Variants in APP observed in about 807,000 individuals in gnomAD.
APP encodes the protein amyloid beta precursor protein.
Under a neutral mutation model 101.4 loss-of-function variants are expected in APP, and 31 were observed. That is an observed-to-expected ratio of 0.31 (90% CI 0.23 to 0.41). The LOEUF is 0.41. APP is among the 10% of genes least tolerant of loss of function. The pLI is 1.00. For synonymous variants in APP, 366 were observed against 364.4 expected, an observed-to-expected ratio of 1.00 and a Z score of -0.05; for missense variants, 839 against 1,003.7, an observed-to-expected ratio of 0.84 and a Z score of 2.22.
chr21:26,074,969 T>C (rs2061475853), intron 3 of APP, among the ~76,000 whole-genome samples: 1 of 152,208 alleles, frequency 6.6e-6, no homozygotes, highest in African/African-American at 2.4e-5. Flanking sequence ...GAGATCCCTA[T>C]GTTACTTCTT....
rs1172965080 is a variant in APP, at chr21:25,880,644, C to G, written c.*1026G>C. The G allele has an allele frequency of 6.6e-6, 1 of 152,210 alleles. No homozygotes were observed. The highest frequency in any genetic ancestry group is 6.5e-5 in the Admixed American group (1 of 15,284). The allele number at this position is 152,210 out of a possible 1,614,324, so 9.4% of individuals were successfully genotyped here. A position where few individuals can be genotyped will look rare whatever the true frequency, so the allele number is the denominator to read the frequency against. On this transcript the variant is annotated 3_prime_UTR_variant, in exon 18 of 18. Transcript: ENST00000346798. The stretch of plus-strand genomic sequence containing the variant: ...GAAGGGTTTGTCCAGGCATGCCTTC[C>G]TCATCCCCTTATATTGCCACTTCCA...
intron 2 of APP, among the ~76,000 whole-genome samples, chr21:26,095,052 G>A (rs2061910909): frequency 6.6e-6 from 1 of 152,154 alleles, no homozygotes; most frequent in Admixed American, 6.5e-5. Context: ...CACCATGTTG[G>A]CCAGGATGCT....
intron 6 of APP, among the ~76,000 whole-genome samples, chr21:26,015,305 A>T (rs745699126): frequency 1.1e-4 from 16 of 152,226 alleles, no homozygotes; most frequent in Non-Finnish European, 2.4e-4. Flanking sequence ...TTAATTGAGC[A>T]GTTACTGTAT....
At chr21:25,933,032 CTT>C (rs1384829071) in intron 13 of APP, among the ~76,000 whole-genome samples, 8 of 152,100 alleles carry the variant, frequency 5.3e-5, no homozygotes, top group African/African-American at 1.7e-4. Flanking sequence ...TATGAGAAAA[CTT>C]AATATATTCA....
At chr21:26,012,635 G>C (rs1490340088) in intron 6 of APP, among the ~76,000 whole-genome samples, 1 of 152,190 alleles carries the variant, frequency 6.6e-6, no homozygotes. Context: ...TTTGTAACCT[G>C]CTCAAGGAAT....
intron 5 of APP, 114 bp downstream of exon 5, chr21:26,050,886 T>C (rs558109728): frequency 7.8e-6 from 10 of 1,288,658 alleles, no homozygotes; most frequent in Admixed American, 1.9e-5. Context: ...CAGACTCTGA[T>C]GGGAGTGGGC....
chr21:26,138,053 G>A (rs559419871), intron 1 of APP, among the ~76,000 whole-genome samples: 13 of 152,268 alleles, frequency 8.5e-5, no homozygotes, highest in African/African-American at 2.9e-4. Flanking sequence ...TAAAAGGACC[G>A]TCTGAAACCA....
rs8132220 is a variant in APP at position 25,997,094 on chromosome 21, T to C, written c.1090+266A>G. The C allele has an allele frequency of 0.23, 120,047 of 511,912 alleles. 16,898 individuals carry two copies. The highest frequency in any genetic ancestry group is 0.49 in the African/African-American group (25,384 of 51,956). 31.7% of individuals were successfully genotyped at this position (511,912 alleles called of 1,614,324 possible). Reference sequence around the variant, plus strand: ...AAATACAATACAATGATGTTGTCCATATAATATTCAATAAAACCAGACTAA... The same window carrying C: ...AAATACAATACAATGATGTTGTCCACATAATATTCAATAAAACCAGACTAA... On this transcript the variant is annotated intron_variant, in intron 8 of 17. Transcript: ENST00000346798.
chr21:26,001,792 A>G (rs186426951), intron 6 of APP, among the ~76,000 whole-genome samples: 12 of 55,062 alleles, frequency 2.2e-4, no homozygotes, highest in Non-Finnish European at 3.8e-4. Context: ...AGCCACTGCC[A>G]CTGGTCCTTC....
chr21:25,939,698 C>T (rs2040495443), intron 13 of APP, among the ~76,000 whole-genome samples: 1 of 152,138 alleles, frequency 6.6e-6, no homozygotes, highest in African/African-American at 2.4e-5. Flanking sequence ...ACATTGCCAA[C>T]CAGCAGTCTG....
intron 1 of APP, among the ~76,000 whole-genome samples, chr21:26,158,746 C>T (rs899715173): frequency 3.3e-5 from 5 of 152,102 alleles, no homozygotes; most frequent in Non-Finnish European, 7.4e-5. Flanking sequence ...AACTCTACAC[C>T]CTCGCTGTTT....
chr21:26,138,818 AAC>A (rs1022882018), intron 1 of APP, among the ~76,000 whole-genome samples: 18 of 152,242 alleles, frequency 1.2e-4, no homozygotes, highest in Admixed American at 1.1e-3. Flanking sequence ...ATCCATTGCA[AAC>A]ACAACACAGA....
chr21:26,011,780 C>T (rs1028788700), intron 6 of APP, among the ~76,000 whole-genome samples: 1 of 113,488 alleles, frequency 8.8e-6, no homozygotes, highest in Non-Finnish European at 1.9e-5. Context: ...GCAAGCAAGA[C>T]TTTTCTTTGC....
intron 10 of APP, 83 bp from the exon 11 acceptor site, chr21:25,975,311 T>G: frequency 6.4e-7 from 1 of 1,566,922 alleles, no homozygotes; most frequent in Admixed American, 1.7e-5. Context: ...AAAGACATCC[T>G]ATTCCATTTT....
chr21:26,134,562 C>T lies in APP; in HGVS notation c.58-22416G>A, dbSNP rs545093798. Among the ~76,000 whole-genome samples the T allele has an allele frequency of 2.1e-3, 322 of 152,346 alleles. 1 individual carries two copies. Among genetic ancestry groups the T allele is most frequent in the Admixed American group, 4.1e-3 (62 of 15,304 alleles). ...GCTGAAGAGAAAACGAGATTCCATG[C>T]CCTTTCCTGACATCCAACCCTCCAG... On this transcript the variant is annotated intron_variant, in intron 1 of 17. Transcript: ENST00000346798.
chr21:25,897,973 T>C (rs1051005033), intron 15 of APP: 2 of 411,074 alleles, frequency 4.9e-6, no homozygotes, highest in East Asian at 5.3e-5. Flanking sequence ...GGTTGAGAGG[T>C]TGGCAAGGAT....
intron 13 of APP, among the ~76,000 whole-genome samples, chr21:25,946,643 G>A (rs909777015): frequency 2.6e-5 from 4 of 151,924 alleles, no homozygotes; most frequent in African/African-American, 9.7e-5. Context: ...TTCAGCCCGG[G>A]TGACAGAGCG....
At chr21:25,987,714 G>T (rs2042690727) in intron 8 of APP, among the ~76,000 whole-genome samples, 1 of 152,210 alleles carries the variant, frequency 6.6e-6, no homozygotes, top group African/African-American at 2.4e-5. Flanking sequence ...GCCACCCTGG[G>T]AAGTCAGAGG....
At chr21:26,063,572 A>C (rs2046352485) in intron 3 of APP, among the ~76,000 whole-genome samples, 1 of 152,206 alleles carries the variant, frequency 6.6e-6, no homozygotes, top group South Asian at 2.1e-4. Flanking sequence ...GAACCAAGTG[A>C]AAGGGCTTCT....
Sources: gnomAD v4.1 joint callset for allele counts (sites outside exome capture counted in the v4.1 genomes callset) on GRCh38, gnomAD v4.1.1 for gene constraint, MANE v1.5 for transcripts, NCBI Gene and HGNC (gene_info 2026-07-23, HGNC 2026-07-21) for gene names.